Variants in PPP2R1A observed in about 807,000 individuals in gnomAD.
The protein encoded by PPP2R1A is serine/threonine-protein phosphatase 2A 65 kDa regulatory subunit A alpha isoform.
In PPP2R1A, 15 loss-of-function variants were observed where a neutral mutation model predicts 67.1. The observed-to-expected ratio is 0.22, with a 90% CI of 0.15 to 0.34. PPP2R1A has a LOEUF of 0.34. Among genes scored for constraint, PPP2R1A ranks in the 10% least tolerant of loss-of-function variants. PPP2R1A has a pLI of 1.00. For synonymous variants in PPP2R1A, 337 were observed against 325.0 expected (o/e 1.04, Z -0.40); for missense variants, 369 against 775.0 (o/e 0.48, Z 6.22).
At chr19:52,202,056 G>A (rs2089554922) in intron 2 of PPP2R1A, 22 bp downstream of exon 2, 3 of 1,600,812 alleles carry the variant, frequency 1.9e-6, no homozygotes, top group Non-Finnish European at 2.6e-6. Flanking sequence ...GACCCCTGGG[G>A]CCCAGATGTG....
rs1978598199 is a variant in PPP2R1A at position 52,216,759 on chromosome 19, G to C, written c.1128+96G>C. 1 of 1,556,544 alleles carries C rather than the reference G, an allele frequency of 6.4e-7. No homozygotes were observed. The highest frequency in any genetic ancestry group is 8.8e-7 in the Non-Finnish European group (1 of 1,137,198). On this transcript the variant is annotated intron_variant, in intron 9 of 14. Transcript: ENST00000322088. This position sits in a 1 kb window ranked among gnomAD's most constrained non-coding sequence, Gnocchi z 4.3. ...TACCTAGATTGACCAGGAATCTGCTGATATCTCAACAGACATCCAGATCTT... is the reference window on the plus strand; with the variant it reads ...TACCTAGATTGACCAGGAATCTGCTCATATCTCAACAGACATCCAGATCTT...
At chr19:52,198,426 A>C (rs1325236985) in intron 1 of PPP2R1A, among the ~76,000 whole-genome samples, 11 of 152,154 alleles carry the variant, frequency 7.2e-5, no homozygotes. Flanking sequence ...CCCAGCTTCA[A>C]GTTGGGGTTC....
At position 52,214,784 on chromosome 19, in the gene PPP2R1A, T is replaced by C. The variant is rs375655473; in HGVS notation, c.808-995T>C. Among the ~76,000 whole-genome samples, 4 of 150,150 alleles carry C rather than the reference T, an allele frequency of 2.7e-5. No homozygotes were observed. The East Asian group carries it at 5.9e-4, about 22-fold the overall frequency. On this transcript the variant is annotated intron_variant, in intron 6 of 14. Coordinates refer to ENST00000322088, the MANE Select transcript of PPP2R1A (RefSeq NM_014225.6). ...GTCTTTTGCCCAGGCTGGAGTACGG[T>C]GGCACAAGCTCAGCTGACTGCAACC...
chr19:52,190,385 G>T (rs1249906755), intron 1 of PPP2R1A: 4 of 627,456 alleles, frequency 6.4e-6, no homozygotes, highest in Non-Finnish European at 1.1e-5. Context: ...GCCAGCGCTA[G>T]CCTCGAGGGT....
chr19:52,226,315 C>T lies in PPP2R1A; in HGVS notation c.*334C>T, dbSNP rs554250483. 1.1e-4 allele frequency: 44 copies of T among 418,028 alleles called. 1 individual carries two copies. The South Asian group carries it at 1.9e-3, about 18-fold the overall frequency. 25.9% of individuals were successfully genotyped at this position (418,028 alleles called of 1,614,324 possible). ...CCTCCCCCATTTACTTCTCCACCTC[C>T]CGTCCTCCCCATCATTGGTTTTTTT... On this transcript the variant is annotated 3_prime_UTR_variant, in exon 15 of 15. Coordinates refer to ENST00000322088, the MANE Select transcript of PPP2R1A (RefSeq NM_014225.6).
rs1293482118 is a variant in PPP2R1A, at chr19:52,215,856, G to A, written c.885G>A (p.Glu295=). 1.9e-6 allele frequency: 3 copies of A among 1,613,942 alleles called. No homozygotes were observed. The highest frequency in any genetic ancestry group is 2.5e-6 in the Non-Finnish European group (3 of 1,179,934). ...PAFQNLMKDC[E]AEVRAAASHK... Reference sequence around the variant, plus strand: ...TCCAGAACCTGATGAAAGACTGTGAGGCCGAGGTGAGGGCCGCAGCCTCCC... The same window carrying A: ...TCCAGAACCTGATGAAAGACTGTGAAGCCGAGGTGAGGGCCGCAGCCTCCC... The change falls in exon 7 of 15, where the codon GAG becomes GAA. Residue 295 remains glutamate (E), a synonymous_variant. Transcript: ENST00000322088.
chr19:52,226,575 G>T lies in PPP2R1A; in HGVS notation c.*594G>T, dbSNP rs1331721612. ...GGGGATCCCCCCAGGAGTGCTGCTGGCCTTTGGGGTAGAGGGTCCATGAGG... is the reference window on the plus strand; with the variant it reads ...GGGGATCCCCCCAGGAGTGCTGCTGTCCTTTGGGGTAGAGGGTCCATGAGG... On this transcript the variant is annotated 3_prime_UTR_variant, in exon 15 of 15. Coordinates refer to ENST00000322088, the MANE Select transcript of PPP2R1A (RefSeq NM_014225.6). The T allele has an allele frequency of 5.1e-6, 1 of 194,834 alleles. No individual in the cohort carries two copies. The highest frequency in any genetic ancestry group is 1.1e-5 in the Non-Finnish European group (1 of 93,786). 12.1% of individuals were successfully genotyped at this position (194,834 alleles called of 1,614,324 possible). A position where few individuals can be genotyped will look rare whatever the true frequency, so the allele number is the denominator to read the frequency against.
At chr19:52,203,378 G>A (rs952937462) in intron 2 of PPP2R1A, among the ~76,000 whole-genome samples, 1 of 152,178 alleles carries the variant, frequency 6.6e-6, no homozygotes, top group African/African-American at 2.4e-5. Flanking sequence ...CTGAAGCATG[G>A]CAGGATAATA....
At chr19:52,201,067 A>T (rs763958068) in intron 1 of PPP2R1A, 1 of 151,100 alleles carries the variant, frequency 6.6e-6, no homozygotes, top group Non-Finnish European at 1.5e-5. Flanking sequence ...GGATGATATT[A>T]TCTGGACACA....
chr19:52,207,909 T>TTA (rs1436142190), intron 3 of PPP2R1A, among the ~76,000 whole-genome samples: 5 of 152,108 alleles, frequency 3.3e-5, no homozygotes, highest in Non-Finnish European at 7.4e-5. Flanking sequence ...GGAAGGCGCC[T>TTA]AACCTGCTTA....
At chr19:52,197,458 T>C (rs1224506867) in intron 1 of PPP2R1A, among the ~76,000 whole-genome samples, 1 of 152,126 alleles carries the variant, frequency 6.6e-6, no homozygotes, top group African/African-American at 2.4e-5. Flanking sequence ...GAGGATTGCT[T>C]GAGCTCAGGA....
chr19:52,210,724 C>G (rs991368025), intron 3 of PPP2R1A, among the ~76,000 whole-genome samples: 2 of 152,078 alleles, frequency 1.3e-5, no homozygotes, highest in African/African-American at 4.8e-5. Flanking sequence ...GAACTCCTGA[C>G]CTCGTGATCC....
chr19:52,205,085 C>T (rs538408471), intron 2 of PPP2R1A, among the ~76,000 whole-genome samples: 7 of 152,358 alleles, frequency 4.6e-5, no homozygotes, highest in Admixed American at 2.0e-4. Context: ...AGCAAGGTTA[C>T]GTGGCCTTGC....
At chr19:52,192,772 A>G (rs540134468) in intron 1 of PPP2R1A, among the ~76,000 whole-genome samples, 117 of 152,282 alleles carry the variant, frequency 7.7e-4, no homozygotes, top group African/African-American at 2.5e-3. Context: ...TCTAAAGAAT[A>G]TTGCAAAGGA....
chr19:52,205,720 ATCAC>A (rs2089595032), intron 2 of PPP2R1A, among the ~76,000 whole-genome samples: 1 of 152,202 alleles, frequency 6.6e-6, no homozygotes. Context: ...GAGAGGTGGA[ATCAC>A]TCAGTCAGTA....
chr19:52,216,224 CT>C lies in PPP2R1A; in HGVS notation c.993+151del. Reference sequence around the variant, plus strand: ...CTTGGGTTTCAAGCAGTTAGGGGTCCTGACTGCAGCTTGAGGCTGACCTTAA... The same window carrying C: ...CTTGGGTTTCAAGCAGTTAGGGGTCCGACTGCAGCTTGAGGCTGACCTTAA... On this transcript the variant is annotated intron_variant, in intron 8 of 14. Coordinates refer to ENST00000322088, the MANE Select transcript of PPP2R1A (RefSeq NM_014225.6). The surrounding 1 kb of genome is among the most constrained non-coding windows in gnomAD (Gnocchi z 4.3). 1 of 861,276 alleles carries C rather than the reference CT, an allele frequency of 1.2e-6. No homozygotes were observed. The highest frequency in any genetic ancestry group is 2.6e-5 in the East Asian group (1 of 38,180). The allele number at this position is 861,276 out of a possible 1,614,324, so 53.4% of individuals were successfully genotyped here.
rs2122336480 is a variant in PPP2R1A at position 52,212,867 on chromosome 19, T to G, written c.651+34T>G. ...TGCTTCCTGGCCCTCTGCTCTCCCG[T>G]CCTTCTGGTGGTTCCTGCCCATGAA... On this transcript the variant is annotated intron_variant, in intron 5 of 14. Coordinates refer to ENST00000322088, the MANE Select transcript of PPP2R1A (RefSeq NM_014225.6). This position sits in a 1 kb window ranked among gnomAD's most constrained non-coding sequence, Gnocchi z 4.1. 6.3e-7 allele frequency: 1 copy of G among 1,575,598 alleles called. No homozygotes were observed. The highest frequency in any genetic ancestry group is 8.6e-7 in the Non-Finnish European group (1 of 1,159,198).
At chr19:52,194,695 GCTCT>G (rs2089482845) in intron 1 of PPP2R1A, among the ~76,000 whole-genome samples, 1 of 152,164 alleles carries the variant, frequency 6.6e-6, no homozygotes, top group Admixed American at 6.5e-5. Context: ...TGCCAGTTGT[GCTCT>G]CTGTGTGCCC....
At chr19:52,198,471 G>A (rs2089516824) in intron 1 of PPP2R1A, among the ~76,000 whole-genome samples, 1 of 152,066 alleles carries the variant, frequency 6.6e-6, no homozygotes. Flanking sequence ...TTAATTTGCT[G>A]GAGCGGCTCA....
Sources: gnomAD v4.1 joint callset for allele counts (sites outside exome capture counted in the v4.1 genomes callset) on GRCh38, gnomAD v4.1.1 for gene constraint, Gnocchi (gnomAD v3.1) non-coding constraint, MANE v1.5 for transcripts, NCBI Gene and HGNC (gene_info 2026-07-23, HGNC 2026-07-21) for gene names.